The following DNAH5 variants were observed in gnomAD, a reference collection of about 807,000 sequenced individuals.
DNAH5 encodes dynein axonemal heavy chain 5, also known as axonemal beta dynein heavy chain 5.
A neutral mutation model predicts 518.2 loss-of-function variants in DNAH5; 372 were observed. The observed-to-expected ratio is 0.72, with a 90% CI of 0.66 to 0.78. The LOEUF is 0.78. DNAH5 is among the 30% of genes least tolerant of loss of function. The probability of loss-of-function intolerance (pLI) is 0.00; values close to 1 mark genes in which losing one functional copy is unlikely to be tolerated. For missense variants in DNAH5, 5,523 were observed against 5,687.0 expected, an observed-to-expected ratio of 0.97 and a Z score of 0.93; for synonymous variants, 2,039 against 2,025.9, an observed-to-expected ratio of 1.01 and a Z score of -0.17.
rs775810627 is a variant in DNAH5 at position 13,758,914 on chromosome 5, A to T, written c.10351T>A (p.Leu3451Met). 1.5e-5 allele frequency: 25 copies of T among 1,613,780 alleles called. No homozygotes were observed. The highest frequency in any genetic ancestry group is 1.9e-5 in the Non-Finnish European group (23 of 1,179,996). Residue 3451 changes from leucine to methionine, a missense_variant, in exon 61 of 79, where the codon TTG becomes ATG. By Grantham distance (15) the Leu-to-Met change is conservative. Around this residue, in one of 3 missense-constraint regions of DNAH5, gnomAD observed 5,121 missense variants for 5,223.3 expected, o/e 0.98. Transcript: ENST00000265104. ...MQDLQKAQAE[L>M]DDKQAELDVV... Reference sequence around the variant, plus strand: ...TCAAGTTCCGCCTGCTTGTCATCCAACTCGGCCTGGGCTTTCTGCAGATCC... The same window carrying T: ...TCAAGTTCCGCCTGCTTGTCATCCATCTCGGCCTGGGCTTTCTGCAGATCC...
intron 1 of DNAH5, among the ~76,000 whole-genome samples, chr5:13,963,388 G>A (rs1006035774): frequency 2.6e-5 from 4 of 152,036 alleles, no homozygotes; most frequent in African/African-American, 4.8e-5. Context: ...GACCAGCCTG[G>A]CCAACGTGGC....
At chr5:13,874,349 G>T (rs570253206) in intron 22 of DNAH5, among the ~76,000 whole-genome samples, 2 of 152,134 alleles carry the variant, frequency 1.3e-5, no homozygotes, top group African/African-American at 4.8e-5. Context: ...ATGTTGGAGG[G>T]TATTCTTTTA....
At chr5:13,784,077 C>G (rs781340441) in intron 52 of DNAH5, among the ~76,000 whole-genome samples, 9 of 152,192 alleles carry the variant, frequency 5.9e-5, no homozygotes, top group Non-Finnish European at 1.0e-4. Flanking sequence ...CACTCATCAT[C>G]TGGGCTGCGA....
In DNAH5 at chr5:13,810,168, T is replaced by A. The variant is rs779667294; in HGVS notation, c.7500A>T (p.Gly2500=). 3.2e-6 allele frequency: 5 copies of A among 1,548,160 alleles called. No homozygotes were observed. The highest frequency in any genetic ancestry group is 4.4e-6 in the Non-Finnish European group (5 of 1,145,508). Residue 2500 remains glycine (G), a synonymous_variant, in exon 45 of 79, where the codon GGA becomes GGT. Coordinates refer to ENST00000265104, the MANE Select transcript of DNAH5 (RefSeq NM_001369.3). The part of the protein sequence containing the change: ...WSAGAALELD[G]RRRLELWLRS... Reference sequence around the variant, plus strand: ...GCAGCCAGAGCTCCAGGCGGCGCCGTCCGTCCAGCTCCAGCGCCGCCCCCG... The same window carrying A: ...GCAGCCAGAGCTCCAGGCGGCGCCGACCGTCCAGCTCCAGCGCCGCCCCCG...
intron 76 of DNAH5, among the ~76,000 whole-genome samples, chr5:13,705,274 T>A (rs1298540894): frequency 6.6e-6 from 1 of 152,190 alleles, no homozygotes; most frequent in Non-Finnish European, 1.5e-5. Flanking sequence ...ATTACAGGCA[T>A]GAGCCACTGC....
chr5:13,919,434 G>A (rs1777020346), intron 6 of DNAH5, 82 bp from the exon 7 acceptor site: 5 of 1,521,278 alleles, frequency 3.3e-6, no homozygotes, highest in Non-Finnish European at 4.5e-6. Context: ...AACAAATAAG[G>A]AAATCAATTA....
intron 24 of DNAH5, among the ~76,000 whole-genome samples, chr5:13,869,668 G>A (rs1278648872): frequency 6.6e-6 from 1 of 152,098 alleles, no homozygotes; most frequent in Non-Finnish European, 1.5e-5. Context: ...ACATTAAAAG[G>A]AGCTGGAAAG....
intron 21 of DNAH5, among the ~76,000 whole-genome samples, chr5:13,880,642 G>C (rs1269108293): frequency 6.6e-6 from 1 of 151,768 alleles, no homozygotes; most frequent in African/African-American, 2.4e-5. Flanking sequence ...ATTAGTATAA[G>C]ATGTTTTATG....
chr5:13,820,440 G>A lies in DNAH5; in HGVS notation c.6747C>T (p.Phe2249=), dbSNP rs568499996. The part of the protein sequence containing the change: ...PPWKLKVIQL[F]ETQRVRHGMM... ...TCCCATGTCGCACTCTCTGCGTTTC[G>A]AATAGCTGGATGACCTTCAGTTTCC... is the stretch of plus-strand genomic sequence containing the variant. Residue 2249 remains phenylalanine (F), a synonymous_variant, in exon 41 of 79, where the codon TTC becomes TTT. Coordinates refer to ENST00000265104, the MANE Select transcript of DNAH5 (RefSeq NM_001369.3). The A allele has an allele frequency of 5.0e-5, 81 of 1,613,996 alleles. 1 individual carries two copies. Among genetic ancestry groups the A allele is most frequent in the South Asian group, 4.2e-4 (38 of 91,070 alleles).
At chr5:13,936,014 G>A (rs1026700884) in intron 1 of DNAH5, among the ~76,000 whole-genome samples, 23 of 152,094 alleles carry the variant, frequency 1.5e-4, no homozygotes, top group African/African-American at 4.8e-4. Flanking sequence ...AAAACATTGC[G>A]GCAATTTGTG....
chr5:13,904,781 T>A (rs1165907503), intron 12 of DNAH5, among the ~76,000 whole-genome samples: 2 of 152,032 alleles, frequency 1.3e-5, no homozygotes, highest in African/African-American at 2.4e-5. Flanking sequence ...CATGGTGGCA[T>A]GCACCTGTAG....
At chr5:13,858,001 A>AG (rs1767863578) in intron 30 of DNAH5, among the ~76,000 whole-genome samples, 1 of 152,150 alleles carries the variant, frequency 6.6e-6, no homozygotes, top group South Asian at 2.1e-4. Context: ...AAAAGCCAAA[A>AG]CAGTGTGGTG....
At chr5:13,730,888 C>T (rs1056605356) in intron 68 of DNAH5, among the ~76,000 whole-genome samples, 3 of 151,718 alleles carry the variant, frequency 2.0e-5, no homozygotes, top group South Asian at 2.1e-4. Flanking sequence ...TTAGTAGAGG[C>T]GGGGTTTCTC....
chr5:13,941,596 G>T (rs971246375), intron 1 of DNAH5, among the ~76,000 whole-genome samples: 2 of 152,152 alleles, frequency 1.3e-5, no homozygotes, highest in African/African-American at 2.4e-5. Flanking sequence ...GAGAGCAAAG[G>T]TTCTTTCTGT....
intron 65 of DNAH5, among the ~76,000 whole-genome samples, chr5:13,739,525 T>C (rs1748101710): frequency 6.6e-6 from 1 of 152,152 alleles, no homozygotes; most frequent in African/African-American, 2.4e-5. Flanking sequence ...GTCTCGGGTA[T>C]TTCTTCATAC....
At position 13,911,392 on chromosome 5, in the gene DNAH5, G is replaced by T. The variant is rs375037194; in HGVS notation, c.1638C>A (p.Asp546Glu). ...ATTTTATTATACAACCTACATGAAGGTCATTAGTCTGCTTGCAAAACTCTT... is the reference window on the plus strand; with the variant it reads ...ATTTTATTATACAACCTACATGAAGTTCATTAGTCTGCTTGCAAAACTCTT... The part of the protein sequence containing the change: ...DYEEFCKQTN[D>E]LHNELRKFMD... Residue 546 changes from aspartate (D) to glutamate (E), a missense_variant, in exon 12 of 79, where the codon GAC (aspartate) becomes GAA (glutamate). Physicochemically the swap from Asp to Glu is conservative, Grantham distance 45. Transcript: ENST00000265104. The T allele has an allele frequency of 5.9e-5, 95 of 1,612,404 alleles. 1 individual carries two copies. The South Asian group carries it at 9.7e-4, about 16-fold the overall frequency.
chr5:13,775,896 T>A (rs116760142), intron 55 of DNAH5, among the ~76,000 whole-genome samples: 2,059 of 151,998 alleles, frequency 0.014, 14 homozygotes, highest in South Asian at 0.024. Context: ...CTCCTCATGT[T>A]CTGATGTAAT....
chr5:13,883,053 T>G lies in DNAH5; in HGVS notation c.3025A>C (p.Ile1009Leu), dbSNP rs748538358. The G allele has an allele frequency of 2.4e-5, 39 of 1,614,024 alleles. No individual in the cohort carries two copies. The highest frequency in any genetic ancestry group is 3.1e-5 in the Non-Finnish European group (37 of 1,180,032). ...ASNMKQNSLP[I>L]FRASVTLAIP... ...GCCAGAGTGACGCTTGCCCGGAAAATGGGCAAACTGTTCTGCTTCATGTTA... is the reference window on the plus strand; with the variant it reads ...GCCAGAGTGACGCTTGCCCGGAAAAGGGGCAAACTGTTCTGCTTCATGTTA... Residue 1009 changes from isoleucine (I) to leucine (L), a missense_variant, in exon 20 of 79, where the codon ATT (isoleucine) becomes CTT (leucine). Ile to Leu is a conservative substitution (Grantham distance 5). Around this residue, in one of 3 missense-constraint regions of DNAH5, gnomAD observed 5,121 missense variants for 5,223.3 expected, o/e 0.98. Coordinates refer to ENST00000265104, the MANE Select transcript of DNAH5 (RefSeq NM_001369.3).
Position 13,765,994 on chromosome 5 carries a change from G to T in DNAH5, c.10083C>A (p.Asn3361Lys), listed in dbSNP as rs768437432. 12 of 1,614,022 alleles carry T rather than the reference G, an allele frequency of 7.4e-6. No individual in the cohort carries two copies. Among genetic ancestry groups the T allele is most frequent in the Non-Finnish European group, 9.3e-6 (11 of 1,180,012 alleles). ...TACCAACCTGTAAGTTCTGTAAAAA[G>T]TTCCCTGCAGTCATCAATTTTAAGG... ...QESLKLMTAG[N>K]FLQNLQQFPK... The change falls in exon 59 of 79, where the codon AAC becomes AAA. Residue 3361 changes from asparagine (N) to lysine (K), a missense_variant. Physicochemically the swap from Asn to Lys is moderately conservative, Grantham distance 94. This residue lies in a region of DNAH5 where 5,121 missense variants were observed against 5,223.3 expected (regional missense o/e 0.98). Transcript: ENST00000265104.
Sources: allele counts gnomAD v4.1 joint callset (sites outside exome capture counted in the v4.1 genomes callset), GRCh38; gene constraint gnomAD v4.1.1; regional missense constraint gnomAD v4.1.1; transcripts MANE v1.5; gene names NCBI Gene and HGNC (gene_info 2026-07-23, HGNC 2026-07-21).